MPP7: variants seen among roughly 807,000 people sequenced by gnomAD.
MPP7 encodes MAGUK p55 scaffold protein 7.
MPP7 carries 60 observed loss-of-function variants against 76.5 expected under a neutral mutation model. The ratio of observed to expected loss-of-function variants is 0.78; its 90% confidence interval spans 0.64 to 0.97. The LOEUF is 0.97. Ranked by LOEUF, MPP7 falls within the 50% of genes least tolerant of loss-of-function variation. The probability of loss-of-function intolerance (pLI) is 0.00; values close to 1 mark genes in which losing one functional copy is unlikely to be tolerated. For missense variants in MPP7, 641 were observed against 694.0 expected, an observed-to-expected ratio of 0.92 and a Z score of 0.86; for synonymous variants, 237 against 244.5, an observed-to-expected ratio of 0.97 and a Z score of 0.29.
intron 11 of MPP7, among the ~76,000 whole-genome samples, chr10:28,093,073 G>A (rs970371591): frequency 3.3e-5 from 5 of 152,016 alleles, no homozygotes; most frequent in South Asian, 2.1e-4. Context: ...GTATTAGCAC[G>A]GCTTCTGGTT....
intron 12 of MPP7, among the ~76,000 whole-genome samples, chr10:28,084,132 A>C (rs919562894): frequency 2.0e-5 from 3 of 152,226 alleles, no homozygotes; most frequent in Non-Finnish European, 4.4e-5. Flanking sequence ...CCAAAACCTG[A>C]AATATTGCTG....
intron 2 of MPP7, among the ~76,000 whole-genome samples, chr10:28,322,589 C>G (rs12253991): frequency 0.13 from 19,316 of 152,116 alleles, 2,126 homozygotes; most frequent in East Asian, 0.39. Flanking sequence ...TGTCTCTTTC[C>G]TTTGATTTCT....
intron 3 of MPP7, among the ~76,000 whole-genome samples, chr10:28,195,577 A>G (rs2133961795): frequency 6.6e-6 from 1 of 152,352 alleles, no homozygotes; most frequent in Non-Finnish European, 1.5e-5. Flanking sequence ...GTACTGATAC[A>G]TGCTATAATT....
chr10:28,150,672 AT>A (rs1388636332), intron 3 of MPP7, among the ~76,000 whole-genome samples: 4 of 152,048 alleles, frequency 2.6e-5, no homozygotes, highest in Non-Finnish European at 5.9e-5. Flanking sequence ...AAACGAAGGG[AT>A]TTTTCATAAC....
At chr10:28,210,444 A>G (rs1453528214) in intron 2 of MPP7, among the ~76,000 whole-genome samples, 1 of 152,148 alleles carries the variant, frequency 6.6e-6, no homozygotes, top group East Asian at 1.9e-4. Flanking sequence ...GCTCTTTTCT[A>G]TCAAAAGAGC....
intron 4 of MPP7, among the ~76,000 whole-genome samples, chr10:28,149,751 C>T (rs974492850): frequency 9.2e-5 from 14 of 152,108 alleles, no homozygotes; most frequent in African/African-American, 3.1e-4. Flanking sequence ...TACGAAGTTA[C>T]GAAAGCAGAA....
chr10:28,282,300 C>T (rs1175582359), intron 1 of MPP7, among the ~76,000 whole-genome samples: 1 of 152,068 alleles, frequency 6.6e-6, no homozygotes, highest in Non-Finnish European at 1.5e-5. Flanking sequence ...AAAATAGGAA[C>T]CTGAGCCTCA....
chr10:28,257,602 G>C (rs1246046076), intron 1 of MPP7, among the ~76,000 whole-genome samples: 3 of 114,148 alleles, frequency 2.6e-5, no homozygotes, highest in Non-Finnish European at 5.3e-5. Flanking sequence ...TGGTGGGGTG[G>C]GGGGAGGGGG....
chr10:28,249,091 T>C (rs1226433918), intron 1 of MPP7, among the ~76,000 whole-genome samples: 3 of 152,168 alleles, frequency 2.0e-5, no homozygotes, highest in East Asian at 1.9e-4. Flanking sequence ...AAAAAATGAA[T>C]GAGTGACTAC....
rs369134077 is a variant in MPP7, at chr10:28,120,302, T to C, written c.779A>G (p.Asp260Gly). The change falls in exon 10 of 17, where the codon GAT becomes GGT. Residue 260 changes from aspartate to glycine, a missense_variant. Physicochemically the swap from Asp to Gly is moderately conservative, Grantham distance 94. Transcript: ENST00000683449. ...KEAGLSFKKG[D>G]ILQIMSQDDA... The stretch of plus-strand genomic sequence containing the variant: ...ATCTTGGCTCATAATCTGAAGAATA[T>C]CTCCCTTTTTGAAAGAAAGCCCAGC... The C allele has an allele frequency of 3.1e-6, 5 of 1,613,876 alleles. No individual in the cohort carries two copies. Among genetic ancestry groups the C allele is most frequent in the Non-Finnish European group, 3.4e-6 (4 of 1,179,978 alleles).
rs575889436 is a variant in MPP7, at chr10:28,169,395, T to A, written c.157-19336A>T. ...AAACAAAGGTTGATATGGGAGGATA[T>A]CTTGAACCCAGGAGTGAGGCTGATG... On this transcript the variant is annotated intron_variant, in intron 3 of 16. Coordinates refer to ENST00000683449, the MANE Select transcript of MPP7 (RefSeq NM_001318170.2). Among the ~76,000 whole-genome samples, 3 of 152,088 alleles carry A rather than the reference T, an allele frequency of 2.0e-5. No homozygotes were observed. In the East Asian group the frequency reaches 5.8e-4, roughly 29 times the overall value.
chr10:28,209,699 A>AC (rs548415815), intron 2 of MPP7, among the ~76,000 whole-genome samples: 185 of 152,272 alleles, frequency 1.2e-3, no homozygotes, highest in African/African-American at 4.2e-3. Context: ...GCTAAGCCTG[A>AC]CCCCAACAGC....
chr10:28,296,537 C>T (rs1417662253), intron 1 of MPP7, among the ~76,000 whole-genome samples: 1 of 152,220 alleles, frequency 6.6e-6, no homozygotes, highest in East Asian at 1.9e-4. Context: ...TCTCCACTAA[C>T]ATTGCCAGTT....
intron 1 of MPP7, among the ~76,000 whole-genome samples, chr10:28,294,731 T>G (rs1003939266): frequency 6.6e-6 from 1 of 152,254 alleles, no homozygotes; most frequent in African/African-American, 2.4e-5. Flanking sequence ...ATATACGTAC[T>G]GTTTTTATGG....
At chr10:28,204,498 C>T (rs1009153445) in intron 2 of MPP7, among the ~76,000 whole-genome samples, 1 of 148,670 alleles carries the variant, frequency 6.7e-6, no homozygotes, top group Non-Finnish European at 1.5e-5. Context: ...CGGAGACACA[C>T]ACAAATAAGT....
chr10:28,253,808 C>G (rs1239331663), intron 1 of MPP7, among the ~76,000 whole-genome samples: 1 of 151,770 alleles, frequency 6.6e-6, no homozygotes, highest in Non-Finnish European at 1.5e-5. Flanking sequence ...CCAGCCTGGT[C>G]AACATGGCAA....
At chr10:28,152,914 T>C (rs1448496180) in intron 3 of MPP7, among the ~76,000 whole-genome samples, 1 of 150,268 alleles carries the variant, frequency 6.7e-6, no homozygotes, top group African/African-American at 2.5e-5. Flanking sequence ...CAAAACCTCA[T>C]TTATTTTAAC....
At chr10:28,118,115 G>T (rs1834715702) in intron 11 of MPP7, 1 of 976,110 alleles carries the variant, frequency 1.0e-6, no homozygotes, top group African/African-American at 1.8e-5. Flanking sequence ...ACATAAAAAA[G>T]AAATCATGCA....
At chr10:28,146,622 T>C (rs1194884003) in intron 5 of MPP7, among the ~76,000 whole-genome samples, 2 of 152,058 alleles carry the variant, frequency 1.3e-5, no homozygotes, top group Non-Finnish European at 2.9e-5. Context: ...TAAAACCAAG[T>C]TTTAAATTCT....
Sources: allele counts gnomAD v4.1 joint callset (sites outside exome capture counted in the v4.1 genomes callset), GRCh38; gene constraint gnomAD v4.1.1; transcripts MANE v1.5; gene names NCBI Gene and HGNC (gene_info 2026-07-23, HGNC 2026-07-21).